OTUD7A: variants seen among roughly 807,000 people sequenced by gnomAD.
OTUD7A encodes the protein OTU domain-containing protein 7A.
A neutral mutation model predicts 65.7 loss-of-function variants in OTUD7A; 12 were observed. The observed-to-expected ratio is 0.18, with a 90% CI of 0.12 to 0.30. The LOEUF is 0.30. Ranked by LOEUF, OTUD7A falls within the 10% of genes least tolerant of loss-of-function variation. OTUD7A has a pLI of 1.00. For missense variants in OTUD7A, 1,148 were observed against 1,304.8 expected (o/e 0.88, Z 1.85); for synonymous variants, 641 against 586.3 (o/e 1.09, Z -1.35).
chr15:31,825,317 A>G (rs1595795419), intron 1 of OTUD7A, among the ~76,000 whole-genome samples: 1 of 152,256 alleles, frequency 6.6e-6, no homozygotes, highest in South Asian at 2.1e-4. Context: ...ATCATGGCGG[A>G]AGGCAAAGAG....
At chr15:31,835,829 C>T (rs1292254554) in intron 1 of OTUD7A, among the ~76,000 whole-genome samples, 1 of 152,078 alleles carries the variant, frequency 6.6e-6, no homozygotes, top group African/African-American at 2.4e-5. Context: ...CACACAGACA[C>T]ACACACATGG....
At position 31,483,424 on chromosome 15, in the gene OTUD7A, C is replaced by G. The variant is rs1444001871; in HGVS notation, c.2672G>C (p.Gly891Ala). The G allele has an allele frequency of 5.1e-6, 7 of 1,372,110 alleles. No individual in the cohort carries two copies. Among genetic ancestry groups the G allele is most frequent in the Non-Finnish European group, 5.6e-6 (6 of 1,062,616 alleles). The allele number at this position is 1,372,110 out of a possible 1,614,324, so 85.0% of individuals were successfully genotyped here. ...SNGECGRGGP[G>A]PVQRRCQREN... is the part of the protein sequence containing the mutation. ...GCGCTGGCAGCGCCGCTGCACCGGC[C>G]CCGGGCCGCCACGGCCGCACTCACC... Residue 891 changes from glycine (G) to alanine (A), a missense_variant, in exon 13 of 13, where the codon GGG becomes GCG. Physicochemically the swap from Gly to Ala is moderately conservative, Grantham distance 60. Transcript: ENST00000307050.
chr15:31,703,076 T>A (rs1219463925), intron 1 of OTUD7A, among the ~76,000 whole-genome samples: 1 of 151,974 alleles, frequency 6.6e-6, no homozygotes, highest in Non-Finnish European at 1.5e-5. Flanking sequence ...TTGACCTAAG[T>A]CTCATACCTT....
chr15:31,663,113 T>G (rs2141286752), intron 1 of OTUD7A, among the ~76,000 whole-genome samples: 1 of 151,796 alleles, frequency 6.6e-6, no homozygotes, highest in African/African-American at 2.4e-5. Flanking sequence ...TCCGATTTCC[T>G]TGATTAATGC....
intron 1 of OTUD7A, among the ~76,000 whole-genome samples, chr15:31,752,424 G>GTGA (rs1378994920): frequency 2.6e-5 from 4 of 152,186 alleles, no homozygotes; most frequent in African/African-American, 9.7e-5. Context: ...AACTTGACAA[G>GTGA]TGATAGTTGC....
intron 1 of OTUD7A, among the ~76,000 whole-genome samples, chr15:31,726,084 T>C (rs573158762): frequency 6.6e-6 from 1 of 151,020 alleles, no homozygotes; most frequent in South Asian, 2.1e-4. Context: ...CTGCTTTTCT[T>C]AACCTATGAA....
At chr15:31,607,876 T>C (rs1404275160) in intron 3 of OTUD7A, among the ~76,000 whole-genome samples, 4 of 152,244 alleles carry the variant, frequency 2.6e-5, no homozygotes, top group Non-Finnish European at 5.9e-5. Flanking sequence ...TGCCTAACAA[T>C]GCATTTCTTA....
chr15:31,622,740 G>A (rs1346856287), intron 3 of OTUD7A, among the ~76,000 whole-genome samples: 2 of 151,490 alleles, frequency 1.3e-5, no homozygotes, highest in East Asian at 2.0e-4. Context: ...AAGTTTGATC[G>A]TCTGAAGCCT....
intron 1 of OTUD7A, among the ~76,000 whole-genome samples, chr15:31,658,942 G>T (rs1892072163): frequency 6.6e-6 from 1 of 151,508 alleles, no homozygotes; most frequent in Non-Finnish European, 1.5e-5. Flanking sequence ...TGAGGCAGGA[G>T]AATTGCTTGA....
At chr15:31,825,143 G>A (rs1039125967) in intron 1 of OTUD7A, among the ~76,000 whole-genome samples, 2 of 152,198 alleles carry the variant, frequency 1.3e-5, no homozygotes, top group African/African-American at 2.4e-5. Flanking sequence ...CATGGAAATC[G>A]AGAAATTCAC....
At chr15:31,655,959 C>A (rs1198614504) in intron 2 of OTUD7A, among the ~76,000 whole-genome samples, 51 of 151,568 alleles carry the variant, frequency 3.4e-4, no homozygotes, top group African/African-American at 1.2e-3. Flanking sequence ...TGCCATCCTA[C>A]CCCCTCAGCT....
chr15:31,834,239 G>A (rs1228099655), intron 1 of OTUD7A, among the ~76,000 whole-genome samples: 2 of 152,210 alleles, frequency 1.3e-5, no homozygotes, highest in African/African-American at 2.4e-5. Context: ...CAAGGTTGGA[G>A]TTCACGGTGC....
rs773329313 is a variant in OTUD7A, at chr15:31,480,199, G to A, written c.*3095C>T. 2 of 152,086 alleles carry A rather than the reference G, an allele frequency of 1.3e-5. No homozygotes were observed. The highest frequency in any genetic ancestry group is 2.9e-5 in the Non-Finnish European group (2 of 68,014). The allele number at this position is 152,086 out of a possible 1,614,324, so 9.4% of individuals were successfully genotyped here. On this transcript the variant is annotated 3_prime_UTR_variant, in exon 13 of 13. Transcript: ENST00000307050. ...ATTTTTATAGTACAGTTTAAACTTG[G>A]CTTGTAAAATTTCAACGTAACACAG...
chr15:31,612,460 G>T (rs1890456502), intron 3 of OTUD7A, among the ~76,000 whole-genome samples: 1 of 152,118 alleles, frequency 6.6e-6, no homozygotes, highest in Non-Finnish European at 1.5e-5. Context: ...CTGGATACAA[G>T]ATTAATGTAC....
rs566891092 is a variant in OTUD7A at position 31,653,593 on chromosome 15, GGT to G, written c.151+1501_151+1502del. 8.2e-3 allele frequency among the ~76,000 whole-genome samples: 1,232 copies of G among 150,408 alleles called. 10 individuals carry two copies. The highest frequency in any genetic ancestry group is 0.012 in the Non-Finnish European group (828 of 67,674). On this transcript the variant is annotated intron_variant, in intron 3 of 12. Coordinates refer to ENST00000307050, the MANE Select transcript of OTUD7A (RefSeq NM_001382637.1). ...AGAAAACAGAGCACTGACTGCCAGTGGTTGGGGTAGGGGAGGGTCTGATTATA... is the reference window on the plus strand; with the variant it reads ...AGAAAACAGAGCACTGACTGCCAGTGTGGGGTAGGGGAGGGTCTGATTATA...
In OTUD7A at chr15:31,479,064, G is replaced by A. The variant is rs1048652507; in HGVS notation, c.*4230C>T. ...TAAAACAGGCCAGCTAGAGTTTAGAGTCAGGAGTAAATGGGAAGGTGGTGC... is the reference window on the plus strand; with the variant it reads ...TAAAACAGGCCAGCTAGAGTTTAGAATCAGGAGTAAATGGGAAGGTGGTGC... On this transcript the variant is annotated 3_prime_UTR_variant, in exon 13 of 13. Transcript: ENST00000307050. The A allele has an allele frequency of 1.3e-5, 2 of 152,290 alleles. No homozygotes were observed. The highest frequency in any genetic ancestry group is 2.9e-5 in the Non-Finnish European group (2 of 68,086). The allele number at this position is 152,290 out of a possible 1,614,324, so 9.4% of individuals were successfully genotyped here.
intron 1 of OTUD7A, among the ~76,000 whole-genome samples, chr15:31,809,918 T>G (rs1259224926): frequency 1.3e-5 from 2 of 152,364 alleles, no homozygotes; most frequent in East Asian, 3.9e-4. Flanking sequence ...GTTAAAGACT[T>G]CCACAAAATG....
intron 1 of OTUD7A, among the ~76,000 whole-genome samples, chr15:31,674,857 T>C (rs1470913270): frequency 1.3e-5 from 2 of 152,152 alleles, no homozygotes; most frequent in Non-Finnish European, 2.9e-5. Context: ...GTACAAAACA[T>C]AATGCAAGAG....
chr15:31,765,232 A>G (rs982687108), intron 1 of OTUD7A, among the ~76,000 whole-genome samples: 26 of 152,088 alleles, frequency 1.7e-4, no homozygotes, highest in Non-Finnish European at 7.4e-5. Context: ...AAAAACACAT[A>G]CATATATATA....
Sources: gnomAD v4.1 joint callset for allele counts (sites outside exome capture counted in the v4.1 genomes callset) on GRCh38, gnomAD v4.1.1 for gene constraint, MANE v1.5 for transcripts, NCBI Gene and HGNC (gene_info 2026-07-23, HGNC 2026-07-21) for gene names.